Variants in PTPN4 observed in about 807,000 individuals in gnomAD.
The protein encoded by PTPN4 is tyrosine-protein phosphatase non-receptor type 4.
A neutral mutation model predicts 135.5 loss-of-function variants in PTPN4; 49 were observed. That is an observed-to-expected ratio of 0.36 (90% confidence interval 0.29 to 0.46). PTPN4 has a LOEUF of 0.46. Ranked by LOEUF, PTPN4 falls within the 20% of genes least tolerant of loss-of-function variation. The pLI, the probability that PTPN4 is intolerant of heterozygous loss-of-function variation, is 1.00. For missense variants in PTPN4, 860 were observed against 1,101.0 expected (o/e 0.78, Z 3.10); for synonymous variants, 333 against 369.9 (o/e 0.90, Z 1.14).
intron 1 of PTPN4, among the ~76,000 whole-genome samples, chr2:119,808,274 A>C (rs1314541719): frequency 6.6e-6 from 1 of 152,208 alleles, no homozygotes; most frequent in South Asian, 2.1e-4. Context: ...TTAGGAAAAG[A>C]GGAAGTCAAA....
intron 1 of PTPN4, among the ~76,000 whole-genome samples, chr2:119,772,369 G>A (rs879902092): frequency 4.6e-5 from 7 of 151,990 alleles, no homozygotes; most frequent in East Asian, 1.9e-4. Flanking sequence ...AAAGAATTTC[G>A]TAACCAACAG....
chr2:119,903,603 T>C (rs1678441135), intron 10 of PTPN4, among the ~76,000 whole-genome samples: 1 of 151,612 alleles, frequency 6.6e-6, no homozygotes, highest in Non-Finnish European at 1.5e-5. Context: ...GGCTCAATAA[T>C]GGACCTACCT....
At chr2:119,837,296 C>T (rs1270673836) in intron 2 of PTPN4, among the ~76,000 whole-genome samples, 1 of 152,148 alleles carries the variant, frequency 6.6e-6, no homozygotes, top group Non-Finnish European at 1.5e-5. Flanking sequence ...GGCAATCTGT[C>T]TGTGGGAAGG....
At chr2:119,971,205 G>A (rs1679528488) in intron 26 of PTPN4, among the ~76,000 whole-genome samples, 1 of 152,214 alleles carries the variant, frequency 6.6e-6, no homozygotes, top group Non-Finnish European at 1.5e-5. Flanking sequence ...GGGGAAGCAA[G>A]CAGGTCTTCA....
chr2:119,963,782 A>G (rs1479038163), intron 24 of PTPN4, among the ~76,000 whole-genome samples: 1 of 152,216 alleles, frequency 6.6e-6, no homozygotes, highest in Non-Finnish European at 1.5e-5. Flanking sequence ...GGTCAAGCCA[A>G]TATGATATTT....
chr2:119,864,301 T>C (rs1364645638), intron 3 of PTPN4, among the ~76,000 whole-genome samples: 1 of 152,130 alleles, frequency 6.6e-6, no homozygotes, highest in Non-Finnish European at 1.5e-5. Flanking sequence ...GAGATGTGAC[T>C]GCTGTTACTT....
intron 15 of PTPN4, among the ~76,000 whole-genome samples, chr2:119,936,830 C>G (rs1222106742): frequency 6.6e-6 from 1 of 152,092 alleles, no homozygotes; most frequent in Non-Finnish European, 1.5e-5. Context: ...TGCTTGGAGC[C>G]TTCTCCTTGG....
At chr2:119,802,996 T>G (rs1031424886) in intron 1 of PTPN4, among the ~76,000 whole-genome samples, 3 of 152,194 alleles carry the variant, frequency 2.0e-5, no homozygotes, top group Non-Finnish European at 4.4e-5. Flanking sequence ...ATAAGTTGTT[T>G]GTAGTATTAC....
intron 10 of PTPN4, among the ~76,000 whole-genome samples, chr2:119,911,366 A>G (rs1056312886): frequency 6.6e-6 from 1 of 152,208 alleles, no homozygotes; most frequent in South Asian, 2.1e-4. Flanking sequence ...CAGTCAGTAT[A>G]ATTAACCATA....
intron 9 of PTPN4, among the ~76,000 whole-genome samples, chr2:119,891,944 C>T (rs1678246923): frequency 6.6e-6 from 1 of 152,088 alleles, no homozygotes; most frequent in South Asian, 2.1e-4. Context: ...GGACTTTTTC[C>T]TGAAGATTTA....
chr2:119,776,231 A>G, intron 1 of PTPN4, among the ~76,000 whole-genome samples: 1 of 152,142 alleles, frequency 6.6e-6, no homozygotes, highest in South Asian at 2.1e-4. Flanking sequence ...GCTGGAGTGC[A>G]GTGGTGCAAT....
chr2:119,915,701 CAAATT>C (rs1039501495), intron 11 of PTPN4: 10 of 152,078 alleles, frequency 6.6e-5, no homozygotes, highest in African/African-American at 2.4e-4. Flanking sequence ...TTATAAATAA[CAAATT>C]GAGTTGTCAT....
intron 13 of PTPN4, among the ~76,000 whole-genome samples, chr2:119,928,649 G>A (rs1262920053): frequency 1.3e-5 from 2 of 152,182 alleles, no homozygotes; most frequent in Non-Finnish European, 2.9e-5. Flanking sequence ...TATGGAAAAT[G>A]AAATGAGTCC....
At chr2:119,805,863 AC>A (rs746405566) in intron 1 of PTPN4, among the ~76,000 whole-genome samples, 34 of 152,156 alleles carry the variant, frequency 2.2e-4, no homozygotes, top group Non-Finnish European at 3.8e-4. Context: ...TCTATAAATT[AC>A]CTTGGGCAGT....
intron 3 of PTPN4, among the ~76,000 whole-genome samples, chr2:119,862,907 T>A (rs529174489): frequency 2.0e-5 from 3 of 152,284 alleles, no homozygotes; most frequent in African/African-American, 7.2e-5. Flanking sequence ...GTAAATCCAA[T>A]TTATGCCTGT....
chr2:119,835,276 C>T (rs1677274686), intron 2 of PTPN4, among the ~76,000 whole-genome samples: 1 of 152,140 alleles, frequency 6.6e-6, no homozygotes, highest in Admixed American at 6.5e-5. Flanking sequence ...CCTTCGTCCC[C>T]TGGGTTCAAG....
intron 5 of PTPN4, 118 bp from the exon 6 acceptor site, chr2:119,881,668 A>G (rs1046269165): frequency 2.2e-5 from 15 of 681,296 alleles, no homozygotes; most frequent in Non-Finnish European, 3.2e-5. Context: ...TTTAATATGT[A>G]AATTATAAAA....
intron 19 of PTPN4, among the ~76,000 whole-genome samples, chr2:119,954,078 A>G (rs1315993364): frequency 6.6e-6 from 1 of 152,218 alleles, no homozygotes; most frequent in Admixed American, 6.5e-5. Context: ...TTTGCCAAGA[A>G]TATATTTTTG....
At position 119,951,033 on chromosome 2, in the gene PTPN4, G is replaced by GATA. The variant is rs897689346; in HGVS notation, c.1657-939_1657-938insTAA. ...TAATTCAAAACATTAGAAACACTGA[G>GATA]AATTTAAATGTTTTATTTTCTTGTG... On this transcript the variant is annotated intron_variant, in intron 18 of 26. Transcript: ENST00000263708. Among the ~76,000 whole-genome samples the GATA allele has an allele frequency of 5.3e-4, 80 of 152,242 alleles. 1 individual carries two copies. The highest frequency in any genetic ancestry group is 1.8e-3 in the African/African-American group (75 of 41,556).
Sources: gnomAD v4.1 joint callset for allele counts (sites outside exome capture counted in the v4.1 genomes callset) on GRCh38, gnomAD v4.1.1 for gene constraint, MANE v1.5 for transcripts, NCBI Gene and HGNC (gene_info 2026-07-23, HGNC 2026-07-21) for gene names.